The following RAP1A variants were observed in gnomAD, a reference collection of about 807,000 sequenced individuals.
RAP1A encodes ras-related protein Rap-1A.
A neutral mutation model predicts 26.4 loss-of-function variants in RAP1A; 6 were observed. The ratio of observed to expected loss-of-function variants is 0.23; its 90% CI spans 0.12 to 0.45. RAP1A has a LOEUF of 0.45. Ranked by LOEUF, RAP1A falls within the 20% of genes least tolerant of loss-of-function variation. RAP1A has a pLI of 0.99. For synonymous variants in RAP1A, 73 were observed against 79.4 expected (o/e 0.92, Z 0.43); for missense variants, 121 against 217.2 (o/e 0.56, Z 2.78).
intron 2 of RAP1A, 83 bp downstream of exon 2, chr1:111,691,500 C>A (rs1571565311): frequency 7.8e-7 from 1 of 1,281,850 alleles, no homozygotes; most frequent in South Asian, 1.2e-5. Context: ...TTCTAGATGC[C>A]AAAGAGAAAA....
chr1:111,593,867 G>A (rs975657553), intron 1 of RAP1A, among the ~76,000 whole-genome samples: 3 of 151,922 alleles, frequency 2.0e-5, no homozygotes, highest in African/African-American at 4.8e-5. Flanking sequence ...AATGTGAAAT[G>A]ACCTCCGGGA....
intron 5 of RAP1A, among the ~76,000 whole-genome samples, chr1:111,703,762 C>CT (rs1179869814): frequency 6.6e-6 from 1 of 152,160 alleles, no homozygotes; most frequent in Admixed American, 6.5e-5. Flanking sequence ...GAAGTGGGAC[C>CT]TGAGTTGAGC....
intron 1 of RAP1A, among the ~76,000 whole-genome samples, chr1:111,641,833 A>AT: frequency 6.6e-6 from 1 of 152,202 alleles, no homozygotes; most frequent in Non-Finnish European, 1.5e-5. Context: ...GCAATATAGT[A>AT]TTGTAGTTAA....
At chr1:111,649,337 T>G (rs959255893) in intron 1 of RAP1A, 1 of 405,166 alleles carries the variant, frequency 2.5e-6, no homozygotes, top group Non-Finnish European at 4.8e-6. Flanking sequence ...GTCTCCTCAT[T>G]CTGGATGCCT....
intron 1 of RAP1A, among the ~76,000 whole-genome samples, chr1:111,546,654 G>T (rs1177939154): frequency 2.6e-5 from 4 of 152,020 alleles, no homozygotes; most frequent in Non-Finnish European, 5.9e-5. Context: ...ACCACATTTT[G>T]TTTATCAATT....
intron 1 of RAP1A, among the ~76,000 whole-genome samples, chr1:111,572,433 C>T (rs938671270): frequency 6.6e-6 from 1 of 152,232 alleles, no homozygotes; most frequent in Non-Finnish European, 1.5e-5. Flanking sequence ...TGTTCATTTA[C>T]AGCGTGCATG....
intron 1 of RAP1A, among the ~76,000 whole-genome samples, chr1:111,606,360 C>T (rs1345850203): frequency 6.6e-6 from 1 of 152,132 alleles, no homozygotes; most frequent in Non-Finnish European, 1.5e-5. Context: ...TGCCTTCATT[C>T]TCAGAGCACG....
intron 1 of RAP1A, chr1:111,564,050 T>C: frequency 1.2e-6 from 1 of 849,070 alleles, no homozygotes; most frequent in South Asian, 1.4e-5. Context: ...AGGAATTCCC[T>C]GTTTTGGGGG....
At chr1:111,692,321 A>T (rs1235052855) in intron 2 of RAP1A, among the ~76,000 whole-genome samples, 2 of 152,194 alleles carry the variant, frequency 1.3e-5, no homozygotes, top group African/African-American at 4.8e-5. Context: ...TGTTTGTGAC[A>T]TGTTGAAGTA....
At chr1:111,694,627 A>G (rs983570471) in intron 2 of RAP1A, among the ~76,000 whole-genome samples, 1 of 152,218 alleles carries the variant, frequency 6.6e-6, no homozygotes, top group Non-Finnish European at 1.5e-5. Context: ...TGGAAAAAGT[A>G]AGGCTTTGGA....
intron 1 of RAP1A, among the ~76,000 whole-genome samples, chr1:111,621,676 C>T (rs749337488): frequency 7.9e-5 from 12 of 152,174 alleles, no homozygotes; most frequent in Non-Finnish European, 1.5e-4. Flanking sequence ...CTTTTCTAGG[C>T]CACTGACACC....
At chr1:111,627,169 A>G (rs562694315) in intron 1 of RAP1A, among the ~76,000 whole-genome samples, 1 of 152,190 alleles carries the variant, frequency 6.6e-6, no homozygotes, top group Non-Finnish European at 1.5e-5. Context: ...TAAAGAATAA[A>G]TTGAAAACAT....
intron 1 of RAP1A, among the ~76,000 whole-genome samples, chr1:111,582,614 A>G (rs1471315548): frequency 6.6e-6 from 1 of 152,246 alleles, no homozygotes; most frequent in Admixed American, 6.5e-5. Context: ...CCGGTTAAGC[A>G]GCAGTGGGCA....
chr1:111,665,871 C>A (rs1660785131), intron 1 of RAP1A, among the ~76,000 whole-genome samples: 1 of 152,154 alleles, frequency 6.6e-6, no homozygotes, highest in African/African-American at 2.4e-5. Context: ...CCATCTCTTT[C>A]TTTTAAATCA....
chr1:111,674,805 C>T (rs1661074817), intron 1 of RAP1A, among the ~76,000 whole-genome samples: 1 of 152,168 alleles, frequency 6.6e-6, no homozygotes, highest in African/African-American at 2.4e-5. Flanking sequence ...TGCCCCTCTT[C>T]AGCCCTATTG....
At chr1:111,660,162 T>C (rs996160163) in intron 1 of RAP1A, among the ~76,000 whole-genome samples, 1 of 152,258 alleles carries the variant, frequency 6.6e-6, no homozygotes, top group Non-Finnish European at 1.5e-5. Context: ...ATTTGGAGGA[T>C]AGTGTCACTT....
chr1:111,614,809 C>G (rs1341533253), upstream of RAP1A, among the ~76,000 whole-genome samples: 1 of 152,028 alleles, frequency 6.6e-6, no homozygotes, highest in African/African-American at 2.4e-5. Flanking sequence ...ATAAGGTGCC[C>G]CTTATACTGC....
At chr1:111,697,194 A>G (rs1052622047) in intron 3 of RAP1A, among the ~76,000 whole-genome samples, 5 of 152,200 alleles carry the variant, frequency 3.3e-5, no homozygotes, top group Non-Finnish European at 7.3e-5. Flanking sequence ...AACAAATAAG[A>G]ATCGTTACAG....
chr1:111,699,123 G>T (rs981321361), intron 4 of RAP1A, among the ~76,000 whole-genome samples: 48 of 152,110 alleles, frequency 3.2e-4, no homozygotes, highest in African/African-American at 1.2e-3. Flanking sequence ...TGTGTCCCCA[G>T]TACCTTGCAT....
Sources: gnomAD v4.1 joint callset for allele counts (sites outside exome capture counted in the v4.1 genomes callset) on GRCh38, gnomAD v4.1.1 for gene constraint, MANE v1.5 for transcripts, NCBI Gene and HGNC (gene_info 2026-07-23, HGNC 2026-07-21) for gene names.